CPED1: variants seen among roughly 807,000 people sequenced by gnomAD.
The protein encoded by CPED1 is cadherin like and PC-esterase domain containing 1.
A neutral mutation model predicts 128.2 loss-of-function variants in CPED1; 114 were observed. The ratio of observed to expected loss-of-function variants is 0.89; its 90% CI spans 0.76 to 1.04. CPED1 has a LOEUF of 1.04. CPED1 is among the 50% of genes least tolerant of loss of function. The probability of loss-of-function intolerance (pLI) is 0.00; values close to 1 mark genes in which losing one functional copy is unlikely to be tolerated. For missense variants in CPED1, 1,211 were observed against 1,207.1 expected (o/e 1.00, Z -0.05); for synonymous variants, 462 against 426.7 (o/e 1.08, Z -1.02).
At chr7:121,184,897 G>T (rs547775511) in intron 16 of CPED1, among the ~76,000 whole-genome samples, 1 of 152,206 alleles carries the variant, frequency 6.6e-6, no homozygotes, top group South Asian at 2.1e-4. Flanking sequence ...ATACTTGAAA[G>T]CATAAAAATA....
intron 7 of CPED1, among the ~76,000 whole-genome samples, chr7:121,110,630 G>A (rs1795086433): frequency 6.6e-6 from 1 of 152,164 alleles, no homozygotes; most frequent in Non-Finnish European, 1.5e-5. Context: ...TTGAACACAG[G>A]GTGAGTGGTA....
At chr7:120,997,003 C>T (rs573360832) in intron 2 of CPED1, among the ~76,000 whole-genome samples, 2 of 152,300 alleles carry the variant, frequency 1.3e-5, no homozygotes, top group East Asian at 3.9e-4. Context: ...TATGTGTAAT[C>T]CATAATCCAT....
intron 18 of CPED1, among the ~76,000 whole-genome samples, chr7:121,250,190 T>A (rs1178657464): frequency 1.3e-5 from 2 of 152,138 alleles, no homozygotes; most frequent in Admixed American, 1.3e-4. Flanking sequence ...CTCAACTACA[T>A]GGAAACTGAA....
intron 16 of CPED1, among the ~76,000 whole-genome samples, chr7:121,197,005 G>A (rs1433666133): frequency 6.6e-6 from 1 of 151,722 alleles, no homozygotes; most frequent in Non-Finnish European, 1.5e-5. Flanking sequence ...GTTGATCAAT[G>A]TTTGCTTCTC....
chr7:121,212,306 GAAGAA>G (rs1272091581), intron 16 of CPED1, among the ~76,000 whole-genome samples: 1 of 151,970 alleles, frequency 6.6e-6, no homozygotes, highest in Non-Finnish European at 1.5e-5. Flanking sequence ...TCACAGCTGG[GAAGAA>G]AAAATTGCAA....
intron 4 of CPED1, among the ~76,000 whole-genome samples, chr7:121,047,793 C>T (rs1793253858): frequency 2.0e-5 from 3 of 151,004 alleles, no homozygotes; most frequent in Non-Finnish European, 4.4e-5. Context: ...TTACTGCAAG[C>T]TCCGCCTCCT....
intron 2 of CPED1, among the ~76,000 whole-genome samples, chr7:120,990,091 T>G (rs952522808): frequency 1.3e-5 from 2 of 152,224 alleles, no homozygotes; most frequent in African/African-American, 4.8e-5. Flanking sequence ...CTCTTAGGAT[T>G]TCACTTCATT....
chr7:121,242,463 G>T (rs1480781977), intron 17 of CPED1, among the ~76,000 whole-genome samples: 1 of 152,074 alleles, frequency 6.6e-6, no homozygotes, highest in Non-Finnish European at 1.5e-5. Context: ...AAATTATTAT[G>T]ATATTTTAAC....
chr7:121,035,952 G>A (rs1001702268), intron 3 of CPED1, among the ~76,000 whole-genome samples: 1 of 152,052 alleles, frequency 6.6e-6, no homozygotes, highest in South Asian at 2.1e-4. Flanking sequence ...GAGTATTACT[G>A]GAAATGCCTC....
chr7:121,006,813 C>T (rs921969234), intron 2 of CPED1, among the ~76,000 whole-genome samples: 1 of 152,104 alleles, frequency 6.6e-6, no homozygotes, highest in Admixed American at 6.6e-5. Flanking sequence ...TGCTGACCCA[C>T]AGCTGTGCAA....
At chr7:121,212,124 G>A (rs1797658127) in intron 16 of CPED1, among the ~76,000 whole-genome samples, 1 of 151,954 alleles carries the variant, frequency 6.6e-6, no homozygotes, top group Non-Finnish European at 1.5e-5. Flanking sequence ...GACAATATCA[G>A]AGCCTGAACC....
intron 5 of CPED1, among the ~76,000 whole-genome samples, chr7:121,073,578 A>T (rs1466601979): frequency 6.6e-6 from 1 of 152,188 alleles, no homozygotes; most frequent in Non-Finnish European, 1.5e-5. Context: ...AAAGAGGTCA[A>T]AAGCCGTATT....
At chr7:121,146,014 A>T (rs922197002) in intron 16 of CPED1, among the ~76,000 whole-genome samples, 7 of 152,180 alleles carry the variant, frequency 4.6e-5, no homozygotes, top group Admixed American at 6.5e-5. Flanking sequence ...ATTTTGGCCT[A>T]ATGAACCCCA....
intron 16 of CPED1, among the ~76,000 whole-genome samples, chr7:121,228,775 T>C (rs1384944650): frequency 6.6e-6 from 1 of 151,864 alleles, no homozygotes; most frequent in African/African-American, 2.4e-5. Flanking sequence ...ATAAAGAAAA[T>C]GTGGAACATG....
Position 121,127,165 on chromosome 7 carries a change from A to C in CPED1, c.1210A>C (p.Asn404His). The C allele has an allele frequency of 6.3e-7, 1 of 1,595,752 alleles. No homozygotes were observed. Among genetic ancestry groups the C allele is most frequent in the Middle Eastern group, 1.7e-4 (1 of 5,954 alleles). Residue 404 changes from asparagine to histidine, a missense_variant, in exon 10 of 23, where the codon AAT becomes CAT. Coordinates refer to ENST00000310396, the MANE Select transcript of CPED1 (RefSeq NM_024913.5). ...CCAAAATACAGAAGAATTCCTTTTA[A>C]ATGACACTTTCAATTTTCTCTTCCC... Reference protein sequence around the residue: ...EDQNTEEFLLNDTFNFLFPNE... With the variant: ...EDQNTEEFLLHDTFNFLFPNE...
intron 5 of CPED1, among the ~76,000 whole-genome samples, chr7:121,065,316 C>T (rs1364851666): frequency 6.6e-6 from 1 of 152,074 alleles, no homozygotes; most frequent in African/African-American, 2.4e-5. Context: ...TTTTATATGA[C>T]AATTATAACT....
intron 5 of CPED1, among the ~76,000 whole-genome samples, chr7:121,076,898 A>T (rs1794139636): frequency 6.6e-6 from 1 of 152,024 alleles, no homozygotes. Flanking sequence ...ATTGCAGTGG[A>T]TATTGGTGGA....
intron 3 of CPED1, among the ~76,000 whole-genome samples, chr7:121,032,650 G>A (rs933378141): frequency 6.6e-6 from 1 of 151,768 alleles, no homozygotes; most frequent in Admixed American, 6.6e-5. Context: ...AAACCACCAC[G>A]GCACATGTAT....
rs1286167648 is a variant in CPED1 at position 121,256,111 on chromosome 7, C to CAAAAAAAAAAAAAAAA, written c.2311-10104_2311-10103insAAAAAAAAAAAAAAAA. ...CCCTAATAGTTAAAGCAATCCTAAG[C>CAAAAAAAAAAAAAAAA]AAAAAAAAAAAACAAAACAAAAAAA... On this transcript the variant is annotated intron_variant, in intron 18 of 22. Transcript: ENST00000310396. Among the ~76,000 whole-genome samples the CAAAAAAAAAAAAAAAA allele has an allele frequency of 5.9e-4, 20 of 34,144 alleles. 3 individuals are homozygous for CAAAAAAAAAAAAAAAA. The highest frequency in any genetic ancestry group is 2.2e-3 in the African/African-American group (20 of 9,114). 22.4% of individuals were successfully genotyped at this position (34,144 alleles called of 152,430 possible).
Sources: allele counts gnomAD v4.1 joint callset (sites outside exome capture counted in the v4.1 genomes callset), GRCh38; gene constraint gnomAD v4.1.1; transcripts MANE v1.5; gene names NCBI Gene and HGNC (gene_info 2026-07-23, HGNC 2026-07-21).